The following SAMD5 variants were observed in gnomAD, a reference collection of about 807,000 sequenced individuals.
SAMD5 encodes the protein sterile alpha motif domain containing 5, also known as sterile alpha motif domain-containing protein 5.
SAMD5 carries 13 observed loss-of-function variants against 11.3 expected under a neutral mutation model. The observed-to-expected ratio is 1.15, with a 90% confidence interval of 0.75 to 1.83. The LOEUF is 1.83. Ranked by LOEUF, SAMD5 falls within the 40% of genes most tolerant of loss-of-function variation. SAMD5 has a pLI of 0.00. For missense variants in SAMD5, 255 were observed against 239.1 expected, an observed-to-expected ratio of 1.07 and a Z score of -0.44; for synonymous variants, 129 against 111.3, an observed-to-expected ratio of 1.16 and a Z score of -1.00.
intron 1 of SAMD5, among the ~76,000 whole-genome samples, chr6:147,720,355 C>T (rs1194758418): frequency 6.6e-6 from 1 of 151,964 alleles, no homozygotes; most frequent in African/African-American, 2.4e-5. Context: ...CCCAGCTACT[C>T]GGGAGGCTGA....
chr6:147,703,930 C>T (rs1377480994), intron 1 of SAMD5, among the ~76,000 whole-genome samples: 1 of 152,166 alleles, frequency 6.6e-6, no homozygotes, highest in Non-Finnish European at 1.5e-5. Context: ...GATTCTTGCT[C>T]TGACGCCCAG....
In SAMD5 at chr6:147,568,578, T is replaced by TA. The variant is rs1789081311; in HGVS notation, c.*4123dup. On this transcript the variant is annotated 3_prime_UTR_variant, in exon 2 of 2. Coordinates refer to ENST00000367474, the MANE Select transcript of SAMD5 (RefSeq NM_001030060.3). The stretch of plus-strand genomic sequence containing the variant: ...AATTCTCAGACCAAGTACAAAGTAT[T>TA]AGGAATTTTTTATATCAGCTGACAT... 1 of 985,304 alleles carries TA rather than the reference T, an allele frequency of 1.0e-6. No homozygotes were observed. The highest frequency in any genetic ancestry group is 1.7e-5 in the African/African-American group (1 of 57,250). The allele number at this position is 985,304 out of a possible 1,614,324, so 61.0% of individuals were successfully genotyped here. A position where few individuals can be genotyped will look rare whatever the true frequency, so the allele number is the denominator to read the frequency against.
the SAMD5 span, among the ~76,000 whole-genome samples, chr6:147,818,913 G>A: frequency 2.0e-5 from 3 of 152,172 alleles, no homozygotes; most frequent in Non-Finnish European, 2.9e-5. Context: ...GTGGAAAGCA[G>A]TGTGGCGATT....
At chr6:147,932,754 T>C in the SAMD5 span, among the ~76,000 whole-genome samples, 2 of 152,004 alleles carry the variant, frequency 1.3e-5, no homozygotes, top group Non-Finnish European at 2.9e-5. Context: ...TATTTTCCCT[T>C]CACTTTGGTG....
At chr6:147,781,159 G>GTTTTT in the SAMD5 span, among the ~76,000 whole-genome samples, 1 of 137,770 alleles carries the variant, frequency 7.3e-6, no homozygotes, top group African/African-American at 2.6e-5. Context: ...TTTTGGATTT[G>GTTTTT]TTTTTTTTTT....
intron 1 of SAMD5, among the ~76,000 whole-genome samples, chr6:147,654,811 A>T (rs1001250374): frequency 3.3e-5 from 5 of 151,798 alleles, no homozygotes; most frequent in Non-Finnish European, 7.4e-5. Context: ...AAAGTGCAGG[A>T]AACCCAAAAT....
chr6:147,881,445 A>T, the SAMD5 span, among the ~76,000 whole-genome samples: 1 of 152,170 alleles, frequency 6.6e-6, no homozygotes, highest in African/African-American at 2.4e-5. Context: ...TGGCCTTGTC[A>T]TATCCTCCCT....
chr6:147,885,224 C>G, the SAMD5 span, among the ~76,000 whole-genome samples: 404 of 152,108 alleles, frequency 2.7e-3, 1 homozygote, highest in African/African-American at 9.4e-3. Context: ...TTTGGGAGGC[C>G]AAGGAGGGGT....
chr6:147,815,665 G>C, the SAMD5 span, among the ~76,000 whole-genome samples: 1 of 152,034 alleles, frequency 6.6e-6, no homozygotes, highest in Non-Finnish European at 1.5e-5. Context: ...GCTTTTCTAA[G>C]CTTTCTCATT....
chr6:147,657,944 CT>C (rs5880725), intron 1 of SAMD5, among the ~76,000 whole-genome samples: 17,005 of 152,148 alleles, frequency 0.11, 1,063 homozygotes, highest in Non-Finnish European at 0.15. Flanking sequence ...AGTGAAGACT[CT>C]TTGTTCTACT....
At chr6:147,816,301 A>AAAAAAAAAAATATATAT in the SAMD5 span, among the ~76,000 whole-genome samples, 4 of 66,350 alleles carry the variant, frequency 6.0e-5, no homozygotes, top group Admixed American at 2.0e-4. Context: ...AAAAAAAAAA[A>AAAAAAAAAAATATATAT]ATATATATAT....
At chr6:147,714,416 T>C (rs7760580) in intron 1 of SAMD5, among the ~76,000 whole-genome samples, 20,755 of 152,100 alleles carry the variant, frequency 0.14, 2,369 homozygotes, top group African/African-American at 0.3. Flanking sequence ...TCCTGCTTCT[T>C]CTCCACAGTT....
At chr6:147,946,169 A>G in the SAMD5 span, among the ~76,000 whole-genome samples, 8 of 152,128 alleles carry the variant, frequency 5.3e-5, no homozygotes, top group South Asian at 2.1e-4. Context: ...GTATGTTCCA[A>G]GTTTTCTCCA....
At chr6:147,936,647 A>C in the SAMD5 span, among the ~76,000 whole-genome samples, 1 of 152,302 alleles carries the variant, frequency 6.6e-6, no homozygotes, top group African/African-American at 2.4e-5. Context: ...ACAAATATCC[A>C]AACTACGTCA....
chr6:147,587,328 C>T (rs1203280830), intron 1 of SAMD5, among the ~76,000 whole-genome samples: 1 of 152,096 alleles, frequency 6.6e-6, no homozygotes, highest in African/African-American at 2.4e-5. Context: ...ACCTCTGTCT[C>T]CCAGGTTCAA....
At chr6:147,539,862 T>A (rs1371168732) in intron 1 of SAMD5, among the ~76,000 whole-genome samples, 1 of 151,646 alleles carries the variant, frequency 6.6e-6, no homozygotes, top group Non-Finnish European at 1.5e-5. Flanking sequence ...TCATAGTGTT[T>A]AAAAAAAAAT....
intron 1 of SAMD5, among the ~76,000 whole-genome samples, chr6:147,588,490 A>AT (rs891130183): frequency 2.6e-5 from 4 of 151,230 alleles, no homozygotes; most frequent in Admixed American, 1.3e-4. Context: ...TGCCCAGCTA[A>AT]TTTTTTTGCA....
chr6:147,807,084 T>G, the SAMD5 span, among the ~76,000 whole-genome samples: 1,628 of 152,170 alleles, frequency 0.011, 9 homozygotes, highest in African/African-American at 0.013. Flanking sequence ...CTGTTGTTTT[T>G]TTTTGTTTTG....
the SAMD5 span, among the ~76,000 whole-genome samples, chr6:147,803,915 T>A: frequency 6.6e-6 from 1 of 152,112 alleles, no homozygotes; most frequent in Non-Finnish European, 1.5e-5. Flanking sequence ...CATCCTTTGG[T>A]TCCCATGGCT....
Sources: gnomAD v4.1 joint callset for allele counts (sites outside exome capture counted in the v4.1 genomes callset) on GRCh38, gnomAD v4.1.1 for gene constraint, MANE v1.5 for transcripts, NCBI Gene and HGNC (gene_info 2026-07-23, HGNC 2026-07-21) for gene names.